Variants in WASHC4 observed in about 807,000 individuals in gnomAD.
The protein encoded by WASHC4 is WASH complex subunit 7.
WASHC4 carries 86 observed loss-of-function variants against 166.6 expected under a neutral mutation model. That is an observed-to-expected ratio of 0.52 (90% CI 0.43 to 0.62). WASHC4 has a LOEUF of 0.62. Among genes scored for constraint, WASHC4 ranks in the 20% least tolerant of loss-of-function variants. WASHC4 has a pLI of 0.00. For missense variants in WASHC4, 1,262 were observed against 1,382.4 expected, an observed-to-expected ratio of 0.91 and a Z score of 1.38; for synonymous variants, 446 against 451.6, an observed-to-expected ratio of 0.99 and a Z score of 0.16.
chr12:105,126,168 T>C (rs1307921853), intron 11 of WASHC4, 41 bp downstream of exon 11: 1 of 1,612,794 alleles, frequency 6.2e-7, no homozygotes, highest in Non-Finnish European at 8.5e-7. Context: ...TTATAAAATT[T>C]GCATTTCCTT....
chr12:105,143,900 T>A (rs1883072631), intron 20 of WASHC4, among the ~76,000 whole-genome samples: 1 of 151,992 alleles, frequency 6.6e-6, no homozygotes, highest in Non-Finnish European at 1.5e-5. Flanking sequence ...TTAGAACTCC[T>A]TGGTAGACCA....
intron 22 of WASHC4, 149 bp downstream of exon 22, chr12:105,145,021 T>C: frequency 1.3e-6 from 1 of 789,134 alleles, no homozygotes; most frequent in Non-Finnish European, 1.9e-6. Context: ...TTGACAACAG[T>C]AAAAAATTAG....
intron 24 of WASHC4, chr12:105,147,455 G>A (rs1412449905): frequency 1.4e-5 from 5 of 361,700 alleles, no homozygotes; most frequent in Non-Finnish European, 1.9e-5. Context: ...ATGTTTATCT[G>A]TGTTGATCTG....
rs1016800276 is a variant in WASHC4 at position 105,121,009 on chromosome 12, T to G, written c.562-92T>G. The G allele has an allele frequency of 9.7e-6, 8 of 823,844 alleles. No individual in the cohort carries two copies. In the African/African-American group the frequency reaches 1.4e-4, roughly 14 times the overall value. The allele number at this position is 823,844 out of a possible 1,614,324, so 51.0% of individuals were successfully genotyped here. A position where few individuals can be genotyped will look rare whatever the true frequency, so the allele number is the denominator to read the frequency against. ...TTACCCACTACTTTTACTAATTCAGTAATCAGCCCAAATGATTTTACTTTA... is the reference window on the plus strand; with the variant it reads ...TTACCCACTACTTTTACTAATTCAGGAATCAGCCCAAATGATTTTACTTTA... On this transcript the variant is annotated intron_variant, in intron 8 of 32. Coordinates refer to ENST00000332180, the MANE Select transcript of WASHC4 (RefSeq NM_015275.3).
chr12:105,116,927 A>T (rs549598208), intron 6 of WASHC4, among the ~76,000 whole-genome samples: 3 of 152,178 alleles, frequency 2.0e-5, no homozygotes, highest in Non-Finnish European at 2.9e-5. Context: ...ACTGATGCCT[A>T]TGCTGAGGTG....
chr12:105,118,272 G>T (rs1425503040), intron 6 of WASHC4, among the ~76,000 whole-genome samples, 174 bp from the exon 7 acceptor site: 1 of 152,230 alleles, frequency 6.6e-6, no homozygotes, highest in Non-Finnish European at 1.5e-5. Context: ...AGTACAGGAG[G>T]TGAGTTAAGT....
At chr12:105,166,406 A>T (rs1268586631) in intron 32 of WASHC4, among the ~76,000 whole-genome samples, 1 of 152,156 alleles carries the variant, frequency 6.6e-6, no homozygotes, top group African/African-American at 2.4e-5. Context: ...ATAATAAGTT[A>T]TAAATACAAA....
At chr12:105,166,834 A>G (rs765083934) in intron 32 of WASHC4, 30 bp from the exon 33 acceptor site, 12 of 1,433,678 alleles carry the variant, frequency 8.4e-6, no homozygotes, top group Admixed American at 1.7e-5. Context: ...GAACATAAAT[A>G]TCCATTATTA....
chr12:105,121,308 G>A (rs1175891246), intron 9 of WASHC4, 104 bp downstream of exon 9: 1 of 728,802 alleles, frequency 1.4e-6, no homozygotes, highest in Non-Finnish European at 2.4e-6. Flanking sequence ...TAAAAGACCT[G>A]GGGATTGATA....
At chr12:105,137,746 C>T in intron 14 of WASHC4, 140 bp from the exon 15 acceptor site, 1 of 664,544 alleles carries the variant, frequency 1.5e-6, no homozygotes, top group Non-Finnish European at 2.6e-6. Flanking sequence ...AAGAGTATTT[C>T]CAAATCTTAA....
intron 15 of WASHC4, among the ~76,000 whole-genome samples, chr12:105,140,092 C>T (rs559768990): frequency 6.6e-6 from 1 of 151,960 alleles, no homozygotes; most frequent in Non-Finnish European, 1.5e-5. Context: ...AGGCTGGTCT[C>T]GAACTCCTGA....
Position 105,149,722 on chromosome 12 carries a change from G to A in WASHC4, c.2622G>A (p.Arg874=). Residue 874 remains arginine, a synonymous_variant, in exon 25 of 33, where the codon AGG becomes AGA. Coordinates refer to ENST00000332180, the MANE Select transcript of WASHC4 (RefSeq NM_015275.3). ...SRLIKDIRFF[R]EIKDQNDHKY... is the part of the protein sequence containing the mutation. Reference sequence around the variant, plus strand: ...TGATTAAAGATATTCGATTTTTCAGGGAAATTAAGGACCAAAATGATCATA... The same window carrying A: ...TGATTAAAGATATTCGATTTTTCAGAGAAATTAAGGACCAAAATGATCATA... 1 of 1,590,700 alleles carries A rather than the reference G, an allele frequency of 6.3e-7. No homozygotes were observed. The highest frequency in any genetic ancestry group is 8.6e-7 in the Non-Finnish European group (1 of 1,161,336).
Position 105,115,186 on chromosome 12 carries a change from T to A in WASHC4, c.324T>A (p.Ala108=). Reference sequence around the variant, plus strand: ...TTTAATTTTTTTCTTAAAAACAGGCTGAAACTAAATTTTACAATGGTCTCT... The same window carrying A: ...TTTAATTTTTTTCTTAAAAACAGGCAGAAACTAAATTTTACAATGGTCTCT... ...CCEIKKLKYE[A]ETKFYNGLLF... The change falls in exon 5 of 33, where the codon GCT becomes GCA. Residue 108 remains alanine, a splice_region_variant and synonymous_variant. Coordinates refer to ENST00000332180, the MANE Select transcript of WASHC4 (RefSeq NM_015275.3). The A allele has an allele frequency of 6.6e-7, 1 of 1,526,378 alleles. No homozygotes were observed. Among genetic ancestry groups the A allele is most frequent in the Non-Finnish European group, 9.1e-7 (1 of 1,101,664 alleles). The allele number at this position is 1,526,378 out of a possible 1,614,324, so 94.6% of individuals were successfully genotyped here. A position where few individuals can be genotyped will look rare whatever the true frequency, so the allele number is the denominator to read the frequency against.
intron 21 of WASHC4, 74 bp from the exon 22 acceptor site, chr12:105,144,644 T>C: frequency 5.1e-6 from 7 of 1,369,948 alleles, no homozygotes; most frequent in Non-Finnish European, 7.2e-6. Flanking sequence ...GGACAAGTTG[T>C]TGTTTTTTCC....
At chr12:105,149,407 T>A (rs986703740) in intron 24 of WASHC4, 1 of 1,079,654 alleles carries the variant, frequency 9.3e-7, no homozygotes, top group Admixed American at 4.8e-5. Context: ...AGTAAAAATA[T>A]GTAAGAGGAG....
At chr12:105,109,891 A>C (rs1201741734) in intron 1 of WASHC4, among the ~76,000 whole-genome samples, 2 of 152,254 alleles carry the variant, frequency 1.3e-5, no homozygotes, top group South Asian at 4.1e-4. Flanking sequence ...GTGAGCCACC[A>C]TGCCCGGCCT....
intron 26 of WASHC4, among the ~76,000 whole-genome samples, chr12:105,155,407 G>T (rs1884062823): frequency 6.6e-6 from 1 of 152,022 alleles, no homozygotes; most frequent in Non-Finnish European, 1.5e-5. Context: ...TCACATTTTT[G>T]AGAAATAGGG....
intron 5 of WASHC4, 123 bp from the exon 6 acceptor site, chr12:105,115,538 T>C (rs1880100310): frequency 1.4e-6 from 1 of 718,860 alleles, no homozygotes; most frequent in Admixed American, 2.3e-5. Flanking sequence ...AAAAATTCTG[T>C]TTTCAATACT....
chr12:105,158,007 C>G (rs1385556986), intron 28 of WASHC4, among the ~76,000 whole-genome samples: 1 of 151,946 alleles, frequency 6.6e-6, no homozygotes, highest in East Asian at 1.9e-4. Context: ...AGGGGCACCC[C>G]TGGGCAAGGG....
Sources: allele counts gnomAD v4.1 joint callset (sites outside exome capture counted in the v4.1 genomes callset), GRCh38; gene constraint gnomAD v4.1.1; transcripts MANE v1.5; gene names NCBI Gene and HGNC (gene_info 2026-07-23, HGNC 2026-07-21).